Variants in PLXNA4 observed in about 807,000 individuals in gnomAD.
PLXNA4 encodes plexin A4, also known as plexin-A4.
A neutral mutation model predicts 191.8 loss-of-function variants in PLXNA4; 44 were observed. The ratio of observed to expected loss-of-function variants is 0.23; its 90% confidence interval spans 0.18 to 0.29. The LOEUF is 0.29. PLXNA4 is among the 10% of genes least tolerant of loss of function. The pLI is 1.00. For missense variants in PLXNA4, 1,800 were observed against 2,488.8 expected (o/e 0.72, Z 5.89); for synonymous variants, 1,082 against 1,009.5 (o/e 1.07, Z -1.36).
intron 3 of PLXNA4, among the ~76,000 whole-genome samples, chr7:132,324,805 G>T (rs1400820846): frequency 6.6e-6 from 1 of 152,170 alleles, no homozygotes; most frequent in Non-Finnish European, 1.5e-5. Flanking sequence ...GCTGCAGAAA[G>T]GTAGGGACAT....
At chr7:132,639,158 G>C (rs1292790313) in intron 2 of PLXNA4, among the ~76,000 whole-genome samples, 1 of 152,202 alleles carries the variant, frequency 6.6e-6, no homozygotes, top group Non-Finnish European at 1.5e-5. Flanking sequence ...GCCCAGAATA[G>C]CTTCTCTGTC....
intron 1 of PLXNA4, among the ~76,000 whole-genome samples, chr7:132,554,907 T>A (rs891109646): frequency 1.3e-5 from 2 of 152,150 alleles, no homozygotes; most frequent in African/African-American, 4.8e-5. Context: ...AGATGCCCCA[T>A]CCTGCAATGC....
intron 5 of PLXNA4, among the ~76,000 whole-genome samples, chr7:132,234,253 T>C (rs970202781): frequency 1.3e-5 from 2 of 152,246 alleles, no homozygotes; most frequent in Admixed American, 6.5e-5. Context: ...TCATCAACTT[T>C]ACACTATACT....
chr7:132,140,864 G>T, intron 29 of PLXNA4, 53 bp from the exon 30 acceptor site: 1 of 1,603,226 alleles, frequency 6.2e-7, no homozygotes, highest in South Asian at 1.1e-5. Flanking sequence ...GTGGGGCTGT[G>T]GTGTGGGTAG....
At chr7:132,628,270 C>G (rs1340387285) in intron 2 of PLXNA4, among the ~76,000 whole-genome samples, 1 of 152,170 alleles carries the variant, frequency 6.6e-6, no homozygotes, top group Non-Finnish European at 1.5e-5. Context: ...GGTCTTCCAA[C>G]TTTTAATGTT....
chr7:132,545,804 G>C (rs1371218648), intron 1 of PLXNA4, among the ~76,000 whole-genome samples: 6 of 152,204 alleles, frequency 3.9e-5, no homozygotes, highest in African/African-American at 1.2e-4. Flanking sequence ...GTAGGGAGAG[G>C]TTTGACTGAC....
At chr7:132,533,194 C>T (rs538697563) in intron 1 of PLXNA4, among the ~76,000 whole-genome samples, 1 of 152,170 alleles carries the variant, frequency 6.6e-6, no homozygotes, top group Non-Finnish European at 1.5e-5. Flanking sequence ...AGATATGCTT[C>T]TTATTTTCAG....
chr7:132,139,714 G>A (rs1795210147), intron 30 of PLXNA4, among the ~76,000 whole-genome samples: 1 of 152,212 alleles, frequency 6.6e-6, no homozygotes, highest in Non-Finnish European at 1.5e-5. Context: ...CAAATAAGTA[G>A]GAAGGTTATT....
chr7:132,248,664 C>T (rs752470493), intron 4 of PLXNA4, among the ~76,000 whole-genome samples: 16 of 152,166 alleles, frequency 1.1e-4, no homozygotes, highest in Admixed American at 6.5e-4. Flanking sequence ...GTACCTCCCA[C>T]GCTGGCCATG....
chr7:132,469,326 C>G lies in PLXNA4; in HGVS notation c.1371+19966G>C, dbSNP rs150551470. 3.5e-3 allele frequency among the ~76,000 whole-genome samples: 540 copies of G among 152,154 alleles called. 2 individuals are homozygous for G. The highest frequency in any genetic ancestry group is 0.014 in the Middle Eastern group (4 of 294). On this transcript the variant is annotated intron_variant, in intron 3 of 31. Coordinates refer to ENST00000321063, the MANE Select transcript of PLXNA4 (RefSeq NM_020911.2). ...TCACCTTGCAGGGTTGCTGTGAGGGCCTTAGACCATACATGTGTAAAGCAT... is the reference window on the plus strand; with the variant it reads ...TCACCTTGCAGGGTTGCTGTGAGGGGCTTAGACCATACATGTGTAAAGCAT...
chr7:132,499,164 C>A (rs1409560913), intron 2 of PLXNA4, among the ~76,000 whole-genome samples: 2 of 152,214 alleles, frequency 1.3e-5, no homozygotes, highest in Admixed American at 6.5e-5. Flanking sequence ...GCATAGCAGC[C>A]AAAGACAAGC....
intron 4 of PLXNA4, among the ~76,000 whole-genome samples, chr7:132,260,200 T>C (rs2116235182): frequency 6.6e-6 from 1 of 152,282 alleles, no homozygotes; most frequent in South Asian, 2.1e-4. Flanking sequence ...CAAAAAGACC[T>C]GCACTCGTAT....
chr7:132,188,986 A>G (rs201583815), intron 14 of PLXNA4, among the ~76,000 whole-genome samples: 705 of 55,358 alleles, frequency 0.013, 27 homozygotes, highest in East Asian at 0.12. Flanking sequence ...AAGGAAAGGA[A>G]AGGAAAGGAG....
intron 5 of PLXNA4, among the ~76,000 whole-genome samples, chr7:132,229,910 C>T (rs1798468198): frequency 6.6e-6 from 1 of 152,008 alleles, no homozygotes; most frequent in Admixed American, 6.6e-5. Context: ...CCTTTGGCCA[C>T]AGCAAGAGGG....
At chr7:132,246,053 C>T (rs1364507) in intron 4 of PLXNA4, among the ~76,000 whole-genome samples, 35,632 of 152,110 alleles carry the variant, frequency 0.23, 4,632 homozygotes, top group African/African-American at 0.34. Flanking sequence ...TACAAATGCA[C>T]ACTTAGAAAT....
chr7:132,342,136 TTAC>T (rs1386405608), intron 3 of PLXNA4, among the ~76,000 whole-genome samples: 1 of 151,650 alleles, frequency 6.6e-6, no homozygotes, highest in African/African-American at 2.4e-5. Context: ...GCTCTGTCTC[TTAC>T]TATTCTTCCT....
chr7:132,441,727 C>T (rs1453656104), intron 3 of PLXNA4, among the ~76,000 whole-genome samples: 1 of 152,168 alleles, frequency 6.6e-6, no homozygotes, highest in African/African-American at 2.4e-5. Flanking sequence ...TTACATTACA[C>T]ATTTTAAAAA....
chr7:132,168,507 G>A lies in PLXNA4; in HGVS notation c.4083C>T (p.Asn1361=). 1.9e-6 allele frequency: 3 copies of A among 1,613,428 alleles called. No homozygotes were observed. Among genetic ancestry groups the A allele is most frequent in the Non-Finnish European group, 2.5e-6 (3 of 1,179,556 alleles). ...GLKLFAQLIN[N]KVFLLSFIRT... ...GGATGAAGGACAGCAGGAACACCTTGTTGTTGATGAGCTGGGCGAAGAGCT... is the reference window on the plus strand; with the variant it reads ...GGATGAAGGACAGCAGGAACACCTTATTGTTGATGAGCTGGGCGAAGAGCT... The change falls in exon 22 of 32, where the codon AAC becomes AAT. Residue 1361 remains asparagine (N), a synonymous_variant. Coordinates refer to ENST00000321063, the MANE Select transcript of PLXNA4 (RefSeq NM_020911.2).
chr7:132,555,963 C>A (rs1021306830), intron 1 of PLXNA4, among the ~76,000 whole-genome samples: 8 of 152,236 alleles, frequency 5.3e-5, no homozygotes, highest in African/African-American at 1.7e-4. Context: ...GGCATCTCTG[C>A]CCTTTGGGCA....
Sources: allele counts gnomAD v4.1 joint callset (sites outside exome capture counted in the v4.1 genomes callset), GRCh38; gene constraint gnomAD v4.1.1; transcripts MANE v1.5; gene names NCBI Gene and HGNC (gene_info 2026-07-23, HGNC 2026-07-21).